Variants in MYOM2 observed in about 807,000 individuals in gnomAD.
MYOM2 encodes myomesin 2.
In MYOM2, 254 loss-of-function variants were observed where a neutral mutation model predicts 187.6. That is an observed-to-expected ratio of 1.35 (90% CI 1.22 to 1.50). The LOEUF (loss-of-function observed/expected upper bound fraction) is 1.50. Among genes scored for constraint, MYOM2 ranks in the 40% most tolerant of loss-of-function variants. The pLI is 0.00. For synonymous variants in MYOM2, 981 were observed against 753.8 expected (o/e 1.30, Z -4.94); for missense variants, 2,796 against 1,924.0 (o/e 1.45, Z -8.48).
intron 6 of MYOM2, among the ~76,000 whole-genome samples, chr8:2,066,292 G>A (rs1585841477): frequency 6.6e-6 from 1 of 152,180 alleles, no homozygotes; most frequent in Admixed American, 6.5e-5. Flanking sequence ...CCTGGCTTGT[G>A]CGTTCACAGG....
rs904232846 is a variant in MYOM2, at chr8:2,073,225, G to C, written c.959-114G>C. ...ACCAGGCTGAGGCTCTGCCTTCCGT[G>C]GTGTCCAGCTCGACTGTCCTGTCCC... On this transcript the variant is annotated intron_variant, in intron 9 of 36. Coordinates refer to ENST00000262113, the MANE Select transcript of MYOM2 (RefSeq NM_003970.4). The C allele has an allele frequency of 1.0e-5, 12 of 1,153,458 alleles. 2 individuals are homozygous for C. The highest frequency in any genetic ancestry group is 9.3e-5 in the Admixed American group (4 of 43,068). 71.5% of individuals were successfully genotyped at this position (1,153,458 alleles called of 1,614,324 possible).
intron 31 of MYOM2, among the ~76,000 whole-genome samples, chr8:2,128,723 G>C (rs1360105666): frequency 6.6e-6 from 1 of 152,118 alleles, no homozygotes; most frequent in Non-Finnish European, 1.5e-5. Context: ...ACTCCCACCT[G>C]AAAGAGTCCT....
rs555189979 is a variant in MYOM2 at position 2,095,846 on chromosome 8, C to T, written c.2126-401C>T. ...AACAAACTGGAATCGTATCTGTCAT[C>T]TCTGGCCACAGATGCAGAATAGTTA... is the stretch of plus-strand genomic sequence containing the variant. On this transcript the variant is annotated intron_variant, in intron 17 of 36. Coordinates refer to ENST00000262113, the MANE Select transcript of MYOM2 (RefSeq NM_003970.4). Among the ~76,000 whole-genome samples, 4 of 152,316 alleles carry T rather than the reference C, an allele frequency of 2.6e-5. No individual in the cohort carries two copies. In the East Asian group the frequency reaches 7.7e-4, roughly 29 times the overall value.
At chr8:2,122,679 G>A (rs1797497375) in intron 28 of MYOM2, among the ~76,000 whole-genome samples, 1 of 152,142 alleles carries the variant, frequency 6.6e-6, no homozygotes, top group African/African-American at 2.4e-5. Context: ...ACCAATGCCG[G>A]AGCATGTGAA....
chr8:2,073,231 C>G, intron 9 of MYOM2, 108 bp from the exon 10 acceptor site: 1 of 1,249,160 alleles, frequency 8.0e-7, no homozygotes, highest in Non-Finnish European at 1.1e-6. Context: ...CCGTGGTGTC[C>G]AGCTCGACTG....
intron 13 of MYOM2, 195 bp from the exon 14 acceptor site, chr8:2,085,068 A>G: frequency 1.6e-6 from 1 of 623,642 alleles, no homozygotes; most frequent in Non-Finnish European, 2.7e-6. Context: ...ATTGGAAGCA[A>G]AACTAACTGG....
intron 31 of MYOM2, among the ~76,000 whole-genome samples, chr8:2,127,119 G>C (rs925693126): frequency 6.6e-6 from 1 of 151,928 alleles, no homozygotes; most frequent in African/African-American, 2.4e-5. Flanking sequence ...GTCAGTGTCA[G>C]GGAATTTGAG....
At chr8:2,131,528 T>A (rs2116888383) in intron 32 of MYOM2, among the ~76,000 whole-genome samples, 1 of 151,814 alleles carries the variant, frequency 6.6e-6, no homozygotes, top group African/African-American at 2.4e-5. Flanking sequence ...CATCCCTAGA[T>A]ACAAAAAGAG....
At chr8:2,057,563 G>A (rs1818710788) in intron 4 of MYOM2, 60 bp from the exon 5 acceptor site, 2 of 1,612,816 alleles carry the variant, frequency 1.2e-6, no homozygotes, top group South Asian at 1.1e-5. Context: ...TGCTTGAGGG[G>A]CCGAGGGTGG....
chr8:2,109,519 C>T lies in MYOM2; in HGVS notation c.3168C>T (p.Val1056=). The T allele has an allele frequency of 3.1e-6, 5 of 1,611,292 alleles. No individual in the cohort carries two copies. Among genetic ancestry groups the T allele is most frequent in the Non-Finnish European group, 4.2e-6 (5 of 1,178,840 alleles). ...SYRFIINDRE[V]SDSEIHRIKC... is the part of the protein sequence containing the mutation. ...GATTTATTATTAACGACAGAGAAGT[C>T]TCTGACAGCGAGGTGAGTTCCTGTG... is the stretch of plus-strand genomic sequence containing the variant. The change falls in exon 25 of 37, where the codon GTC becomes GTT. Residue 1056 remains valine, a synonymous_variant. Coordinates refer to ENST00000262113, the MANE Select transcript of MYOM2 (RefSeq NM_003970.4).
In MYOM2 at chr8:2,079,536, G is replaced by A. The variant is rs114205231; in HGVS notation, c.1463-24G>A. 4.3e-3 allele frequency: 6,898 copies of A among 1,613,284 alleles called. 243 individuals are homozygous for A. The African/African-American group carries it at 0.076, about 18-fold the overall frequency. On this transcript the variant is annotated intron_variant, in intron 12 of 36. Coordinates refer to ENST00000262113, the MANE Select transcript of MYOM2 (RefSeq NM_003970.4). ...TGGGGAAAACTTCGCATGTCAAATCGAGTGTCAACCTTTCTCTCCGCAGCC... is the reference window on the plus strand; with the variant it reads ...TGGGGAAAACTTCGCATGTCAAATCAAGTGTCAACCTTTCTCTCCGCAGCC...
rs796763408 is a variant in MYOM2, at chr8:2,100,789, G to A, written c.2441-87G>A. The A allele has an allele frequency of 1.3e-4, 175 of 1,338,756 alleles. 1 individual carries two copies. The African/African-American group carries it at 2.2e-3, about 17-fold the overall frequency. 82.9% of individuals were successfully genotyped at this position (1,338,756 alleles called of 1,614,324 possible). A position where few individuals can be genotyped will look rare whatever the true frequency, so the allele number is the denominator to read the frequency against. ...GGTCCTGGTGGGGGGCTTCCCAGAG[G>A]AGCAGTGGGTCCCCGGGGCTGGGTT... On this transcript the variant is annotated intron_variant, in intron 19 of 36. Transcript: ENST00000262113.
chr8:2,056,185 G>C (rs78897716), intron 3 of MYOM2, among the ~76,000 whole-genome samples: 4,539 of 152,278 alleles, frequency 0.03, 248 homozygotes, highest in African/African-American at 0.1. Context: ...GAGGTCTGGC[G>C]TTCAAGACAC....
chr8:2,123,483 A>G, intron 29 of MYOM2, 72 bp from the exon 30 acceptor site: 2 of 1,483,704 alleles, frequency 1.3e-6, no homozygotes, highest in South Asian at 1.1e-5. Flanking sequence ...AAGAAAATGT[A>G]TTAGAGTTTA....
intron 1 of MYOM2, among the ~76,000 whole-genome samples, chr8:2,048,875 C>T (rs1192968891): frequency 3.3e-5 from 5 of 151,594 alleles, no homozygotes; most frequent in African/African-American, 4.9e-5. Flanking sequence ...CTGCAAGCTC[C>T]GCCTCCCAGG....
rs538389451 is a variant in MYOM2, at chr8:2,089,998, C to T, written c.1645-10C>T. On this transcript the variant is annotated splice_polypyrimidine_tract_variant and intron_variant, in intron 14 of 36. Coordinates refer to ENST00000262113, the MANE Select transcript of MYOM2 (RefSeq NM_003970.4). Reference sequence around the variant, plus strand: ...TTCACTGCCAGTCTCGTTTCTGTTTCTCTTTGTAGTCCGTGGTGGGGAGCG... The same window carrying T: ...TTCACTGCCAGTCTCGTTTCTGTTTTTCTTTGTAGTCCGTGGTGGGGAGCG... The T allele has an allele frequency of 6.2e-7, 1 of 1,613,036 alleles. No homozygotes were observed. The highest frequency in any genetic ancestry group is 1.3e-5 in the African/African-American group (1 of 75,000).
intron 25 of MYOM2, among the ~76,000 whole-genome samples, chr8:2,114,378 C>T (rs1370226928): frequency 6.6e-6 from 1 of 152,236 alleles, no homozygotes; most frequent in Non-Finnish European, 1.5e-5. Context: ...TTTCTCCTAT[C>T]TTAGCAACAA....
intron 14 of MYOM2, among the ~76,000 whole-genome samples, chr8:2,087,458 CATT>C (rs1243058387): frequency 2.0e-5 from 3 of 152,106 alleles, no homozygotes; most frequent in Non-Finnish European, 2.9e-5. Context: ...AGCATTACAT[CATT>C]AATTCTGGGT....
At chr8:2,094,227 T>G in intron 17 of MYOM2, 136 bp downstream of exon 17, 1 of 1,166,252 alleles carries the variant, frequency 8.6e-7, no homozygotes, top group Non-Finnish European at 1.2e-6. Flanking sequence ...AGAACTTGAG[T>G]TTCTTTGAAG....
Sources: allele counts gnomAD v4.1 joint callset (sites outside exome capture counted in the v4.1 genomes callset), GRCh38; gene constraint gnomAD v4.1.1; transcripts MANE v1.5; gene names NCBI Gene and HGNC (gene_info 2026-07-23, HGNC 2026-07-21).